C12orf42: variants seen among roughly 807,000 people sequenced by gnomAD.
The protein encoded by C12orf42 is uncharacterized protein C12orf42.
A neutral mutation model predicts 21.6 loss-of-function variants in C12orf42; 25 were observed. That is an observed-to-expected ratio of 1.16 (90% CI 0.84 to 1.62). C12orf42 has a LOEUF of 1.62. C12orf42 is among the 40% of genes most tolerant of loss of function. The probability of loss-of-function intolerance (pLI) is 0.00; values close to 1 mark genes in which losing one functional copy is unlikely to be tolerated. For missense variants in C12orf42, 483 were observed against 459.3 expected (o/e 1.05, Z -0.47); for synonymous variants, 174 against 175.0 (o/e 0.99, Z 0.05).
At chr12:103,452,959 G>A (rs9668742) in intron 2 of C12orf42, among the ~76,000 whole-genome samples, 20,954 of 151,644 alleles carry the variant, frequency 0.14, 1,509 homozygotes, top group South Asian at 0.2. Context: ...ACACCAACAT[G>A]GCACATGTAT....
chr12:103,359,177 T>A (rs1350704166), intron 4 of C12orf42, among the ~76,000 whole-genome samples: 1 of 152,074 alleles, frequency 6.6e-6, no homozygotes, highest in African/African-American at 2.4e-5. Context: ...TTATTCTCAT[T>A]CAATAATCTT....
chr12:103,211,877 T>C, the C12orf42 span, among the ~76,000 whole-genome samples: 2 of 152,232 alleles, frequency 1.3e-5, no homozygotes, highest in African/African-American at 4.8e-5. Flanking sequence ...TCAGTCCCTT[T>C]TGCTCCCTCA....
At chr12:103,105,531 C>A in the C12orf42 span, among the ~76,000 whole-genome samples, 18 of 152,232 alleles carry the variant, frequency 1.2e-4, 1 homozygote, top group South Asian at 3.7e-3. Context: ...AAAAAATACA[C>A]CTACCAAGTA....
chr12:103,108,725 G>T, the C12orf42 span, among the ~76,000 whole-genome samples: 1 of 152,088 alleles, frequency 6.6e-6, no homozygotes, highest in East Asian at 1.9e-4. Context: ...ATTCAACATT[G>T]TATGGAAGGT....
At chr12:103,429,866 G>A (rs1040685996) in intron 2 of C12orf42, among the ~76,000 whole-genome samples, 1 of 152,090 alleles carries the variant, frequency 6.6e-6, no homozygotes. Context: ...ACAAGCAATA[G>A]GGAAAGGATT....
At chr12:103,252,817 A>G (rs1466227748) in intron 10 of C12orf42, among the ~76,000 whole-genome samples, 2 of 152,046 alleles carry the variant, frequency 1.3e-5, no homozygotes, top group Non-Finnish European at 2.9e-5. Context: ...TTTAGATCCC[A>G]TTTGTCAATG....
intron 4 of C12orf42, among the ~76,000 whole-genome samples, chr12:103,280,771 C>A (rs573516024): frequency 2.8e-4 from 42 of 152,296 alleles, no homozygotes; most frequent in African/African-American, 1.0e-3. Context: ...AAGGTTTTCC[C>A]ACTTAGTCCA....
intron 3 of C12orf42, among the ~76,000 whole-genome samples, chr12:103,401,275 G>A (rs2047964810): frequency 6.6e-6 from 1 of 152,054 alleles, no homozygotes; most frequent in African/African-American, 2.4e-5. Context: ...TAAAATTATT[G>A]CCCTAGTTTC....
chr12:103,154,723 A>G, the C12orf42 span, among the ~76,000 whole-genome samples: 1 of 152,162 alleles, frequency 6.6e-6, no homozygotes, highest in Non-Finnish European at 1.5e-5. Context: ...TAGTTTTATG[A>G]GGGGAAAAAA....
chr12:103,459,224 C>A (rs1240332541), intron 2 of C12orf42, among the ~76,000 whole-genome samples: 3 of 152,214 alleles, frequency 2.0e-5, no homozygotes, highest in African/African-American at 7.2e-5. Flanking sequence ...GAAGCAAGGC[C>A]TCACCACAGA....
chr12:103,517,482 T>C, the C12orf42 span, among the ~76,000 whole-genome samples: 5 of 152,246 alleles, frequency 3.3e-5, no homozygotes, highest in African/African-American at 1.2e-4. Context: ...CATGAAATGT[T>C]GTCAGTCCAC....
At chr12:103,482,067 C>T (rs1300346209) in intron 1 of C12orf42, among the ~76,000 whole-genome samples, 1 of 152,010 alleles carries the variant, frequency 6.6e-6, no homozygotes, top group African/African-American at 2.4e-5. Flanking sequence ...GTTCTTTTCC[C>T]CCACAAGTTA....
At chr12:103,430,340 C>G (rs527935023) in intron 2 of C12orf42, among the ~76,000 whole-genome samples, 1 of 152,170 alleles carries the variant, frequency 6.6e-6, no homozygotes, top group African/African-American at 2.4e-5. Context: ...GACATCTATG[C>G]GGCCAACAAT....
chr12:103,264,664 G>C (rs1020562294), downstream of C12orf42, among the ~76,000 whole-genome samples: 3 of 152,152 alleles, frequency 2.0e-5, no homozygotes, highest in Non-Finnish European at 4.4e-5. Context: ...TTCGGCTTGA[G>C]TGGTTTACTG....
At chr12:103,379,530 C>A (rs1399929361) in intron 3 of C12orf42, among the ~76,000 whole-genome samples, 1 of 152,046 alleles carries the variant, frequency 6.6e-6, no homozygotes, top group Non-Finnish European at 1.5e-5. Context: ...TATTACTAGA[C>A]CTAAAGATGT....
rs758673916 is a variant in C12orf42 at position 103,302,201 on chromosome 12, A to G, written c.990T>C (p.Val330=). The G allele has an allele frequency of 1.9e-6, 3 of 1,612,072 alleles. No individual in the cohort carries two copies. In the Admixed American group the frequency reaches 5.0e-5, roughly 27 times the overall value. Reference sequence around the variant, plus strand: ...TTGGGCGGGGGGGTGCTGAGGAGCAAACCTTTATTAACCTCTTGGAGGGGA... The same window carrying G: ...TTGGGCGGGGGGGTGCTGAGGAGCAGACCTTTATTAACCTCTTGGAGGGGA... ...THFPSKRLIK[V]CSSAPPRPTR... The change falls in exon 6 of 6, where the codon GTT becomes GTC. Residue 330 remains valine, a synonymous_variant. Coordinates refer to ENST00000548883, the MANE Select transcript of C12orf42 (RefSeq NM_198521.5).
the C12orf42 span, among the ~76,000 whole-genome samples, chr12:103,119,461 T>C: frequency 1.3e-5 from 2 of 152,168 alleles, no homozygotes; most frequent in Non-Finnish European, 2.9e-5. Context: ...TATCTGGACC[T>C]ATGCCTAGGG....
intron 4 of C12orf42, among the ~76,000 whole-genome samples, chr12:103,326,999 T>C (rs1593448420): frequency 6.6e-6 from 1 of 152,034 alleles, no homozygotes; most frequent in Non-Finnish European, 1.5e-5. Context: ...ATTTTAAGAG[T>C]TTCAAAATTT....
At chr12:103,520,291 G>A in the C12orf42 span, among the ~76,000 whole-genome samples, 1 of 152,144 alleles carries the variant, frequency 6.6e-6, no homozygotes, top group African/African-American at 2.4e-5. Context: ...AGAGTGTTGA[G>A]ATCATCAGCC....
Sources: gnomAD v4.1 joint callset for allele counts (sites outside exome capture counted in the v4.1 genomes callset) on GRCh38, gnomAD v4.1.1 for gene constraint, MANE v1.5 for transcripts, NCBI Gene and HGNC (gene_info 2026-07-23, HGNC 2026-07-21) for gene names.